Variants in WWTR1 observed in about 807,000 individuals in gnomAD.
The protein encoded by WWTR1 is WW domain containing transcription regulator 1.
WWTR1 carries 13 observed loss-of-function variants against 40.1 expected under a neutral mutation model. The ratio of observed to expected loss-of-function variants is 0.32; its 90% CI spans 0.21 to 0.52. The LOEUF is 0.52. Among genes scored for constraint, WWTR1 ranks in the 20% least tolerant of loss-of-function variants. WWTR1 has a pLI of 0.97. For missense variants in WWTR1, 436 were observed against 523.1 expected, an observed-to-expected ratio of 0.83 and a Z score of 1.63; for synonymous variants, 230 against 210.1, an observed-to-expected ratio of 1.09 and a Z score of -0.82.
chr3:149,644,458 T>A (rs1320790174), intron 2 of WWTR1, among the ~76,000 whole-genome samples: 1 of 152,166 alleles, frequency 6.6e-6, no homozygotes, highest in African/African-American at 2.4e-5. Flanking sequence ...CTCGAAAACC[T>A]GACCAGTTTT....
At chr3:149,632,280 T>G (rs56394562) in intron 2 of WWTR1, among the ~76,000 whole-genome samples, 3,429 of 152,312 alleles carry the variant, frequency 0.023, 158 homozygotes, top group African/African-American at 0.079. Flanking sequence ...TCTGCATTGG[T>G]TGAGTTGCCC....
intron 3 of WWTR1, among the ~76,000 whole-genome samples, chr3:149,547,052 T>G (rs1390300217): frequency 6.6e-6 from 1 of 152,010 alleles, no homozygotes; most frequent in African/African-American, 2.4e-5. Flanking sequence ...GTGGTTGAGG[T>G]TCCTTAAAAC....
intron 3 of WWTR1, among the ~76,000 whole-genome samples, chr3:149,565,267 T>A (rs894506756): frequency 4.6e-5 from 7 of 152,092 alleles, no homozygotes; most frequent in African/African-American, 1.7e-4. Flanking sequence ...AACTAACACA[T>A]CTTTGTGTAT....
At chr3:149,625,288 T>G (rs1413737801) in intron 2 of WWTR1, among the ~76,000 whole-genome samples, 1 of 151,344 alleles carries the variant, frequency 6.6e-6, no homozygotes, top group Non-Finnish European at 1.5e-5. Context: ...CCGGCTAATT[T>G]TTTGTATTTT....
intron 2 of WWTR1, among the ~76,000 whole-genome samples, chr3:149,635,842 A>T (rs575525708): frequency 6.6e-6 from 1 of 151,880 alleles, no homozygotes; most frequent in East Asian, 1.9e-4. Flanking sequence ...TTTTTAAAAT[A>T]AAAAAAAGGC....
intron 2 of WWTR1, among the ~76,000 whole-genome samples, chr3:149,635,447 A>G (rs1237402844): frequency 1.3e-5 from 2 of 152,092 alleles, no homozygotes; most frequent in Non-Finnish European, 2.9e-5. Context: ...CATAGAACAA[A>G]ATACTTTAAA....
At chr3:149,549,799 A>G (rs1365751167) in intron 3 of WWTR1, among the ~76,000 whole-genome samples, 1 of 152,150 alleles carries the variant, frequency 6.6e-6, no homozygotes, top group Non-Finnish European at 1.5e-5. Flanking sequence ...TAATCATACT[A>G]TTGCACTCCA....
chr3:149,639,763 G>A (rs983970855), intron 2 of WWTR1, among the ~76,000 whole-genome samples: 9 of 152,116 alleles, frequency 5.9e-5, no homozygotes, highest in African/African-American at 2.2e-4. Context: ...GGAGGCCGAG[G>A]TGGGTGGATC....
chr3:149,720,436 A>G (rs1207843193), intron 4 of WWTR1, among the ~76,000 whole-genome samples: 1 of 152,118 alleles, frequency 6.6e-6, no homozygotes, highest in Admixed American at 6.6e-5. Flanking sequence ...CATATATTTG[A>G]AGATTTATTT....
upstream of WWTR1, among the ~76,000 whole-genome samples, chr3:149,661,732 A>AG (rs1713585483): frequency 8.7e-6 from 1 of 115,086 alleles, no homozygotes; most frequent in Non-Finnish European, 1.7e-5. Context: ...CCACAAATAA[A>AG]GTTTTTTTTT....
intron 1 of WWTR1, among the ~76,000 whole-genome samples, chr3:149,673,297 G>A (rs4234373): frequency 0.57 from 86,595 of 151,660 alleles, 25,003 homozygotes; most frequent in Admixed American, 0.66. Flanking sequence ...ATTCAATGAC[G>A]TAATTTCATA....
chr3:149,678,531 A>G (rs1714347998), intron 1 of WWTR1, among the ~76,000 whole-genome samples: 1 of 152,192 alleles, frequency 6.6e-6, no homozygotes, highest in Non-Finnish European at 1.5e-5. Context: ...TGCAGGGACC[A>G]CAGTCTATGC....
chr3:149,602,796 C>G lies in WWTR1; in HGVS notation c.432-29796G>C, dbSNP rs139113079. 1.9e-3 allele frequency among the ~76,000 whole-genome samples: 288 copies of G among 152,170 alleles called. 1 individual carries two copies. The highest frequency in any genetic ancestry group is 6.6e-3 in the African/African-American group (274 of 41,510). On this transcript the variant is annotated intron_variant, in intron 2 of 6. Transcript: ENST00000360632. ...TCTCCTGCCTCAGCCTCCCGAGTTG[C>G]TGGGATTACAGCATCACCACACCCA...
chr3:149,683,897 G>T (rs918084704), intron 1 of WWTR1, among the ~76,000 whole-genome samples: 1 of 152,012 alleles, frequency 6.6e-6, no homozygotes, highest in Non-Finnish European at 1.5e-5. Flanking sequence ...GTGGCACTGT[G>T]GGAGCAAGAG....
At chr3:149,716,151 G>T (rs1436252591) in intron 5 of WWTR1, among the ~76,000 whole-genome samples, 5 of 152,166 alleles carry the variant, frequency 3.3e-5, no homozygotes, top group African/African-American at 1.2e-4. Context: ...GGGAGGCCGA[G>T]ATGGGTGGAT....
At chr3:149,552,559 G>C (rs745548055) in intron 3 of WWTR1, among the ~76,000 whole-genome samples, 3 of 152,102 alleles carry the variant, frequency 2.0e-5, no homozygotes, top group Admixed American at 1.3e-4. Flanking sequence ...ATATCCAAAG[G>C]GTACCACATT....
intron 2 of WWTR1, among the ~76,000 whole-genome samples, chr3:149,633,206 T>C (rs1003501398): frequency 2.0e-5 from 3 of 152,044 alleles, no homozygotes; most frequent in Admixed American, 6.6e-5. Context: ...CTGGGCAACA[T>C]AGGAAGACCC....
intron 6 of WWTR1, among the ~76,000 whole-genome samples, chr3:149,522,998 A>G (rs1030922601): frequency 1.6e-4 from 25 of 151,638 alleles, no homozygotes; most frequent in African/African-American, 5.8e-4. Context: ...TCCAGGAGGT[A>G]GAGGTTGCAA....
At chr3:149,546,153 G>A (rs1218375940) in intron 3 of WWTR1, among the ~76,000 whole-genome samples, 1 of 152,160 alleles carries the variant, frequency 6.6e-6, no homozygotes, top group Non-Finnish European at 1.5e-5. Context: ...AGGTAATGGT[G>A]GAAACACTGG....
Sources: allele counts gnomAD v4.1 joint callset (sites outside exome capture counted in the v4.1 genomes callset), GRCh38; gene constraint gnomAD v4.1.1; transcripts MANE v1.5; gene names NCBI Gene and HGNC (gene_info 2026-07-23, HGNC 2026-07-21).